Variants in PGBD2 observed in about 807,000 individuals in gnomAD.
PGBD2 encodes the protein piggyBac transposable element-derived protein 2.
PGBD2 carries 6 observed loss-of-function variants against 8.1 expected under a neutral mutation model. The ratio of observed to expected loss-of-function variants is 0.74; its 90% CI spans 0.40 to 1.46. PGBD2 has a LOEUF of 1.46. Ranked by LOEUF, PGBD2 falls within the 40% of genes most tolerant of loss-of-function variation. PGBD2 has a pLI of 0.02. For missense variants in PGBD2, 802 were observed against 739.0 expected (o/e 1.09, Z -0.99); for synonymous variants, 318 against 272.2 (o/e 1.17, Z -1.66).
At chr1:248,924,094 C>G (rs1166968088), downstream of PGBD2, among the ~76,000 whole-genome samples, 1 of 152,216 alleles carries the variant, frequency 6.6e-6, no homozygotes, top group African/African-American at 2.4e-5. Context: ...CGTGTGGGAG[C>G]CACAAGTCAC....
At chr1:248,915,234 G>C (rs1216165133) in intron 2 of PGBD2, among the ~76,000 whole-genome samples, 3 of 152,202 alleles carry the variant, frequency 2.0e-5, no homozygotes, top group East Asian at 3.8e-4. Context: ...CCCATCGCCA[G>C]CCCCTGGGCA....
chr1:248,900,106 A>G, the PGBD2 span, among the ~76,000 whole-genome samples: 2 of 151,762 alleles, frequency 1.3e-5, 1 homozygote, highest in African/African-American at 4.8e-5. Flanking sequence ...CCAAAAAAAA[A>G]AAAAAAAAAA....
upstream of PGBD2, among the ~76,000 whole-genome samples, chr1:248,903,580 A>G (rs1463755837): frequency 6.6e-6 from 1 of 152,174 alleles, no homozygotes; most frequent in African/African-American, 2.4e-5. Context: ...TGCCACCTCC[A>G]TATCATTTAT....
At chr1:248,901,514 G>A (rs1022811958), upstream of PGBD2, among the ~76,000 whole-genome samples, 1 of 152,164 alleles carries the variant, frequency 6.6e-6, no homozygotes, top group African/African-American at 2.4e-5. Flanking sequence ...TTAACAAATG[G>A]TACTGGGAAA....
At chr1:248,909,639 A>G (rs1442711678) in intron 1 of PGBD2, among the ~76,000 whole-genome samples, 1 of 152,096 alleles carries the variant, frequency 6.6e-6, no homozygotes, top group Non-Finnish European at 1.5e-5. Flanking sequence ...CTGAAGATGG[A>G]TTATTAATTT....
At chr1:248,874,361 G>GT in the PGBD2 span, among the ~76,000 whole-genome samples, 1 of 152,198 alleles carries the variant, frequency 6.6e-6, no homozygotes, top group Non-Finnish European at 1.5e-5. Flanking sequence ...CTAACCATAG[G>GT]TGATGTTCCC....
chr1:248,893,779 A>G, the PGBD2 span, among the ~76,000 whole-genome samples: 1 of 152,180 alleles, frequency 6.6e-6, no homozygotes, highest in East Asian at 1.9e-4. Flanking sequence ...GGATTATTTG[A>G]CAGTTCTAGT....
At chr1:248,873,387 T>G in the PGBD2 span, among the ~76,000 whole-genome samples, 8 of 152,198 alleles carry the variant, frequency 5.3e-5, no homozygotes, top group African/African-American at 1.9e-4. Context: ...GCGGTGGACC[T>G]TGAGGGGAGG....
At chr1:248,880,020 T>G in the PGBD2 span, among the ~76,000 whole-genome samples, 763 of 152,340 alleles carry the variant, frequency 5.0e-3, 4 homozygotes, top group Non-Finnish European at 7.0e-3. Flanking sequence ...GTCTGAGTGC[T>G]TCTGCTGTTC....
the PGBD2 span, among the ~76,000 whole-genome samples, chr1:248,883,584 C>CTTTTTTTTTTTTTTTTTTTTT: frequency 2.2e-5 from 2 of 89,162 alleles, no homozygotes; most frequent in Non-Finnish European, 4.2e-5. Flanking sequence ...TTTTTTTTTT[C>CTTTTTTTTTTTTTTTTTTTTT]TTTTTTTTTT....
At chr1:248,884,218 C>G in the PGBD2 span, among the ~76,000 whole-genome samples, 5 of 152,244 alleles carry the variant, frequency 3.3e-5, no homozygotes, top group South Asian at 1.0e-3. Context: ...AAACCAAACT[C>G]TGTAAAATAT....
the PGBD2 span, among the ~76,000 whole-genome samples, chr1:248,884,390 G>C: frequency 6.6e-6 from 1 of 152,018 alleles, no homozygotes; most frequent in South Asian, 2.1e-4. Context: ...GCCCAGGCTG[G>C]AGTGCAGTGG....
In PGBD2 at chr1:248,913,895, G is replaced by A. The variant is rs1661999673; in HGVS notation, c.17+16G>A. ...CAACATCCAGGTAGGAGTGCTGTTT[G>A]ATCAAATGTTTTATTGAAGAATTTA... On this transcript the variant is annotated intron_variant, in intron 2 of 2. Transcript: ENST00000329291. The A allele has an allele frequency of 6.2e-7, 1 of 1,603,692 alleles. No homozygotes were observed. Among genetic ancestry groups the A allele is most frequent in the East Asian group, 2.2e-5 (1 of 44,830 alleles).
the PGBD2 span, among the ~76,000 whole-genome samples, chr1:248,927,871 C>T: frequency 6.6e-6 from 1 of 152,134 alleles, no homozygotes; most frequent in Non-Finnish European, 1.5e-5. Flanking sequence ...AAAGAAAATA[C>T]ATAGCTGTTC....
chr1:248,879,844 G>C, the PGBD2 span, among the ~76,000 whole-genome samples: 2 of 151,958 alleles, frequency 1.3e-5, no homozygotes, highest in Admixed American at 6.6e-5. Flanking sequence ...TGTGATTATG[G>C]GGCTATGTTG....
chr1:248,875,949 T>C, the PGBD2 span, among the ~76,000 whole-genome samples: 1 of 152,138 alleles, frequency 6.6e-6, no homozygotes, highest in African/African-American at 2.4e-5. Context: ...CACATCCTTG[T>C]TCCTAGAACT....
chr1:248,892,427 G>T, the PGBD2 span, among the ~76,000 whole-genome samples: 1 of 151,584 alleles, frequency 6.6e-6, no homozygotes, highest in African/African-American at 2.4e-5. Flanking sequence ...GTTAGTTACA[G>T]GACAATAAAG....
the PGBD2 span, among the ~76,000 whole-genome samples, chr1:248,897,064 C>T: frequency 6.6e-6 from 1 of 152,216 alleles, no homozygotes; most frequent in Non-Finnish European, 1.5e-5. Flanking sequence ...TCTTAAATAT[C>T]TGCTAGCCGT....
upstream of PGBD2, among the ~76,000 whole-genome samples, chr1:248,904,391 ATGCAC>A (rs1430386807): frequency 6.6e-6 from 1 of 152,186 alleles, no homozygotes; most frequent in Non-Finnish European, 1.5e-5. Context: ...ATTCAAAGCA[ATGCAC>A]TGAAAATGTC....
Sources: allele counts gnomAD v4.1 joint callset (sites outside exome capture counted in the v4.1 genomes callset), GRCh38; gene constraint gnomAD v4.1.1; transcripts MANE v1.5; gene names NCBI Gene and HGNC (gene_info 2026-07-23, HGNC 2026-07-21).